The following MTMR12 variants were observed in gnomAD, a reference collection of about 807,000 sequenced individuals.
MTMR12 encodes myotubularin-related protein 12.
MTMR12 carries 33 observed loss-of-function variants against 96.7 expected under a neutral mutation model. That is an observed-to-expected ratio of 0.34 (90% CI 0.26 to 0.46). The LOEUF is 0.46. Among genes scored for constraint, MTMR12 ranks in the 20% least tolerant of loss-of-function variants. The pLI, the probability that MTMR12 is intolerant of heterozygous loss-of-function variation, is 1.00. For synonymous variants in MTMR12, 298 were observed against 327.2 expected, an observed-to-expected ratio of 0.91 and a Z score of 0.96; for missense variants, 721 against 896.1, an observed-to-expected ratio of 0.80 and a Z score of 2.49.
intron 1 of MTMR12, among the ~76,000 whole-genome samples, chr5:32,304,087 C>G (rs1356908106): frequency 6.6e-6 from 1 of 152,042 alleles, no homozygotes; most frequent in Non-Finnish European, 1.5e-5. Flanking sequence ...CTTTGGGAGC[C>G]GAGGCGGGCG....
rs1354658985 is a variant in MTMR12 at position 32,268,808 on chromosome 5, G to A, written c.490-14C>T. On this transcript the variant is annotated splice_polypyrimidine_tract_variant and intron_variant, in intron 5 of 15. Coordinates refer to ENST00000382142, the MANE Select transcript of MTMR12 (RefSeq NM_001040446.3). Reference sequence around the variant, plus strand: ...GCCACTGACAATCTAAAAAAGAATCGAACAATGGATATAGTTATGGTTTTG... The same window carrying A: ...GCCACTGACAATCTAAAAAAGAATCAAACAATGGATATAGTTATGGTTTTG... 11 of 1,588,186 alleles carry A rather than the reference G, an allele frequency of 6.9e-6. No homozygotes were observed. The highest frequency in any genetic ancestry group is 1.7e-4 in the Middle Eastern group (1 of 6,012).
At position 32,233,473 on chromosome 5, in the gene MTMR12, AACACACAC is replaced by A. The variant is rs752327449; in HGVS notation, c.1674+292_1674+299del. Among the ~76,000 whole-genome samples the A allele has an allele frequency of 2.3e-4, 14 of 59,932 alleles. No individual in the cohort carries two copies. Among genetic ancestry groups the A allele is most frequent in the Admixed American group, 1.2e-3 (7 of 5,978 alleles). 39.3% of individuals were successfully genotyped at this position (59,932 alleles called of 152,430 possible). The stretch of plus-strand genomic sequence containing the variant: ...CTCTACTAACACACACACACACACA[AACACACAC>A]ACACACACACACACACAGGCAGGAC... On this transcript the variant is annotated intron_variant, in intron 15 of 15. Coordinates refer to ENST00000382142, the MANE Select transcript of MTMR12 (RefSeq NM_001040446.3). This position sits in a 1 kb window ranked among gnomAD's most constrained non-coding sequence, Gnocchi z 5.0.
intron 11 of MTMR12, 71 bp downstream of exon 11, chr5:32,243,450 T>A: frequency 9.6e-7 from 1 of 1,045,498 alleles, no homozygotes; most frequent in South Asian, 1.4e-5. Context: ...GTTAAATTAT[T>A]TGTCGGTTTG....
intron 12 of MTMR12, among the ~76,000 whole-genome samples, chr5:32,239,664 A>G (rs2111996528): frequency 6.6e-6 from 1 of 152,356 alleles, no homozygotes; most frequent in South Asian, 2.1e-4. Flanking sequence ...CTCACCTCAG[A>G]CATCCCTTCC....
Position 32,275,864 on chromosome 5 carries a change from C to A in MTMR12, c.142+818G>T, listed in dbSNP as rs550204463. ...AAACATCAAAAAAAGTTATAGAATT[C>A]TTTTACCAAATAACGTGGATCAGTC... On this transcript the variant is annotated intron_variant, in intron 2 of 15. Coordinates refer to ENST00000382142, the MANE Select transcript of MTMR12 (RefSeq NM_001040446.3). Among the ~76,000 whole-genome samples, 23 of 152,238 alleles carry A rather than the reference C, an allele frequency of 1.5e-4. No individual in the cohort carries two copies. In the South Asian group the frequency reaches 4.8e-3, roughly 32 times the overall value.
rs1554053419 is a variant in MTMR12, at chr5:32,228,595, T to TATATATATCATATATATGTG, written c.*1182_*1183insCACATATATATGATATATAT. ...ATATATATATCATATATATGTGATA[T>TATATATATCATATATATGTG]ATATATATATATCATATATATGATA... On this transcript the variant is annotated 3_prime_UTR_variant, in exon 16 of 16. Coordinates refer to ENST00000382142, the MANE Select transcript of MTMR12 (RefSeq NM_001040446.3). 2.7e-5 allele frequency: 3 copies of TATATATATCATATATATGTG among 110,172 alleles called. No homozygotes were observed. The highest frequency in any genetic ancestry group is 1.1e-4 in the African/African-American group (3 of 27,746). 6.8% of individuals were successfully genotyped at this position (110,172 alleles called of 1,614,324 possible). A position where few individuals can be genotyped will look rare whatever the true frequency, so the allele number is the denominator to read the frequency against.
Position 32,299,052 on chromosome 5 carries a change from T to TGCGC in MTMR12, c.81+13702_81+13705dup, listed in dbSNP as rs1421264576. ...GTGGCCCAAAGAACACACACATGAA[T>TGCGC]GCGCACACACACACACATACACATA... On this transcript the variant is annotated intron_variant, in intron 1 of 15. Transcript: ENST00000382142. Among the ~76,000 whole-genome samples the TGCGC allele has an allele frequency of 3.3e-5, 5 of 150,636 alleles. No homozygotes were observed. The East Asian group carries it at 5.9e-4, about 18-fold the overall frequency.
intron 1 of MTMR12, among the ~76,000 whole-genome samples, chr5:32,289,184 A>G (rs541430777): frequency 3.3e-5 from 5 of 152,372 alleles, no homozygotes; most frequent in African/African-American, 1.2e-4. Context: ...ACTCACGTAG[A>G]GCTCTGGCAT....
At chr5:32,250,998 ATT>A (rs944491240) in intron 8 of MTMR12, among the ~76,000 whole-genome samples, 1 of 145,500 alleles carries the variant, frequency 6.9e-6, no homozygotes, top group Non-Finnish European at 1.5e-5. Context: ...TGTTAATCTT[ATT>A]TGTTTTTTTA....
At chr5:32,264,670 A>G (rs1321105697) in intron 6 of MTMR12, among the ~76,000 whole-genome samples, 2 of 152,226 alleles carry the variant, frequency 1.3e-5, no homozygotes, top group Non-Finnish European at 2.9e-5. Context: ...CATTTTGGCC[A>G]GGCTGGTCTT....
At chr5:32,258,754 A>G (rs1266486461) in intron 7 of MTMR12, among the ~76,000 whole-genome samples, 10 of 152,158 alleles carry the variant, frequency 6.6e-5, no homozygotes, top group Non-Finnish European at 1.5e-4. Flanking sequence ...TTTAAACCAG[A>G]TCCTGAGCTC....
At chr5:32,290,053 CA>C (rs1750683467) in intron 1 of MTMR12, among the ~76,000 whole-genome samples, 2 of 152,176 alleles carry the variant, frequency 1.3e-5, no homozygotes, top group South Asian at 4.1e-4. Context: ...GCTGCTGTAC[CA>C]AATGTGGTTT....
At chr5:32,269,779 G>A (rs1193971176) in intron 5 of MTMR12, among the ~76,000 whole-genome samples, 1 of 152,226 alleles carries the variant, frequency 6.6e-6, no homozygotes, top group Non-Finnish European at 1.5e-5. Flanking sequence ...AGACACAGCT[G>A]TTCTGATCCA....
intron 1 of MTMR12, among the ~76,000 whole-genome samples, chr5:32,296,738 T>A (rs1003749013): frequency 6.6e-6 from 1 of 151,408 alleles, no homozygotes; most frequent in Non-Finnish European, 1.5e-5. Flanking sequence ...GAGTTGAAGG[T>A]TGCAGTGAGC....
chr5:32,288,638 T>C (rs764099705), intron 1 of MTMR12, among the ~76,000 whole-genome samples: 33 of 152,294 alleles, frequency 2.2e-4, no homozygotes, highest in African/African-American at 6.0e-4. Context: ...AGAAGGAACA[T>C]AGAGTTGGAT....
intron 8 of MTMR12, among the ~76,000 whole-genome samples, chr5:32,253,333 G>C (rs1749015944): frequency 1.3e-5 from 2 of 152,116 alleles, no homozygotes; most frequent in Admixed American, 1.3e-4. Flanking sequence ...GGGTATTCTA[G>C]GTTAAGGTAC....
At chr5:32,268,266 G>A (rs1749684653) in intron 6 of MTMR12, among the ~76,000 whole-genome samples, 1 of 152,116 alleles carries the variant, frequency 6.6e-6, no homozygotes, top group African/African-American at 2.4e-5. Context: ...CCAGCACTTT[G>A]GGAGGCCGAG....
At chr5:32,282,097 A>T (rs1750320050) in intron 1 of MTMR12, among the ~76,000 whole-genome samples, 1 of 151,822 alleles carries the variant, frequency 6.6e-6, no homozygotes, top group South Asian at 2.1e-4. Context: ...CATCACGAGC[A>T]TCAGGCTGGG....
At chr5:32,257,970 T>G (rs568718559) in intron 7 of MTMR12, among the ~76,000 whole-genome samples, 1 of 151,636 alleles carries the variant, frequency 6.6e-6, no homozygotes, top group Admixed American at 6.6e-5. Context: ...ATATAAAATA[T>G]AAAAAATTGA....
Sources: gnomAD v4.1 joint callset for allele counts (sites outside exome capture counted in the v4.1 genomes callset) on GRCh38, gnomAD v4.1.1 for gene constraint, Gnocchi (gnomAD v3.1) non-coding constraint, MANE v1.5 for transcripts, NCBI Gene and HGNC (gene_info 2026-07-23, HGNC 2026-07-21) for gene names.